DLGAP2: variants seen among roughly 807,000 people sequenced by gnomAD.
DLGAP2 encodes the protein disks large-associated protein 2.
A neutral mutation model predicts 100.3 loss-of-function variants in DLGAP2; 26 were observed. That is an observed-to-expected ratio of 0.26 (90% confidence interval 0.19 to 0.36). The LOEUF (loss-of-function observed/expected upper bound fraction) is 0.36. DLGAP2 is among the 10% of genes least tolerant of loss of function. The probability of loss-of-function intolerance (pLI) is 1.00; values close to 1 mark genes in which losing one functional copy is unlikely to be tolerated. For synonymous variants in DLGAP2, 886 were observed against 630.1 expected, an observed-to-expected ratio of 1.41 and a Z score of -6.08; for missense variants, 1,858 against 1,453.2, an observed-to-expected ratio of 1.28 and a Z score of -4.53.
chr8:1,089,627 T>C (rs1372981570), intron 2 of DLGAP2, among the ~76,000 whole-genome samples: 1 of 152,256 alleles, frequency 6.6e-6, no homozygotes, highest in Non-Finnish European at 1.5e-5. Context: ...GCAAATGTGC[T>C]GAAAAATGAT....
chr8:1,010,513 C>A (rs1801250505), intron 2 of DLGAP2, among the ~76,000 whole-genome samples: 1 of 152,244 alleles, frequency 6.6e-6, no homozygotes. Flanking sequence ...TATGGGCACA[C>A]ATACGCCCAC....
chr8:975,569 C>T (rs1406105974), intron 2 of DLGAP2, among the ~76,000 whole-genome samples: 1 of 152,120 alleles, frequency 6.6e-6, no homozygotes, highest in Non-Finnish European at 1.5e-5. Flanking sequence ...TGGATTTATC[C>T]AGGTATGCAA....
At chr8:871,913 A>AT (rs1328020934) in intron 1 of DLGAP2, among the ~76,000 whole-genome samples, 5 of 151,992 alleles carry the variant, frequency 3.3e-5, no homozygotes, top group Non-Finnish European at 5.9e-5. Context: ...CCCTTCATGC[A>AT]TTTTTTGTCT....
intron 2 of DLGAP2, among the ~76,000 whole-genome samples, chr8:932,259 A>G (rs566857288): frequency 6.6e-6 from 1 of 152,364 alleles, no homozygotes; most frequent in Admixed American, 6.5e-5. Flanking sequence ...CTGAAATAGA[A>G]AAGGGTGACA....
chr8:1,179,233 G>A (rs550435147), intron 2 of DLGAP2, among the ~76,000 whole-genome samples: 1 of 152,262 alleles, frequency 6.6e-6, no homozygotes, highest in Non-Finnish European at 1.5e-5. Context: ...TGGGAGATGG[G>A]ATGGCTGAGT....
intron 2 of DLGAP2, among the ~76,000 whole-genome samples, chr8:1,156,928 G>A (rs1479950069): frequency 1.3e-5 from 2 of 152,084 alleles, no homozygotes; most frequent in African/African-American, 4.8e-5. Context: ...GTTCCCAGTC[G>A]GTCCATCCTT....
chr8:1,341,875 A>G (rs540264376), intron 3 of DLGAP2, among the ~76,000 whole-genome samples: 1 of 152,172 alleles, frequency 6.6e-6, no homozygotes. Context: ...CAGTTCATGC[A>G]CTGTGGGATT....
chr8:1,030,487 G>A (rs1035323322), intron 2 of DLGAP2, among the ~76,000 whole-genome samples: 2 of 152,198 alleles, frequency 1.3e-5, no homozygotes, highest in Non-Finnish European at 2.9e-5. Context: ...GGTGCTCACG[G>A]ACTCGGCTGT....
chr8:1,269,372 C>A (rs929386128), intron 3 of DLGAP2, among the ~76,000 whole-genome samples: 1 of 152,210 alleles, frequency 6.6e-6, no homozygotes, highest in East Asian at 1.9e-4. Flanking sequence ...TGTGGCACGG[C>A]GTGGCTCTGT....
At chr8:757,777 G>C (rs1310117966) in intron 1 of DLGAP2, among the ~76,000 whole-genome samples, 25 of 152,226 alleles carry the variant, frequency 1.6e-4, no homozygotes, top group Admixed American at 1.6e-3. Flanking sequence ...TTCTGAAGCT[G>C]TATCCAATTC....
chr8:1,362,704 C>T (rs1802014225), intron 3 of DLGAP2, among the ~76,000 whole-genome samples: 1 of 152,248 alleles, frequency 6.6e-6, no homozygotes, highest in South Asian at 2.1e-4. Context: ...AATCTATTTT[C>T]CGCCCATTTG....
At chr8:1,101,573 A>G (rs981202283) in intron 2 of DLGAP2, among the ~76,000 whole-genome samples, 5 of 152,048 alleles carry the variant, frequency 3.3e-5, no homozygotes, top group African/African-American at 1.2e-4. Context: ...GTCTGGGAAG[A>G]TGGAAGAGTT....
intron 1 of DLGAP2, among the ~76,000 whole-genome samples, chr8:837,850 G>T (rs1276243453): frequency 1.3e-5 from 2 of 149,980 alleles, no homozygotes; most frequent in Non-Finnish European, 3.0e-5. Context: ...CTGAGTAGCT[G>T]GGATTACAGG....
At chr8:1,073,456 G>T (rs1339891801) in intron 2 of DLGAP2, among the ~76,000 whole-genome samples, 1 of 152,118 alleles carries the variant, frequency 6.6e-6, no homozygotes, top group Non-Finnish European at 1.5e-5. Context: ...TACAGACATG[G>T]ATATGTAACT....
chr8:1,079,305 A>C (rs760325228), intron 2 of DLGAP2, among the ~76,000 whole-genome samples: 27 of 152,178 alleles, frequency 1.8e-4, no homozygotes, highest in Non-Finnish European at 2.5e-4. Flanking sequence ...ACCTTTTATA[A>C]GATTTGTGTT....
chr8:1,449,294 C>A (rs753057085), intron 3 of DLGAP2, among the ~76,000 whole-genome samples: 1 of 152,136 alleles, frequency 6.6e-6, no homozygotes, highest in East Asian at 1.9e-4. Flanking sequence ...GAGACAGGGT[C>A]GGGCCATGAT....
chr8:972,106 A>T (rs1298315183), intron 2 of DLGAP2, among the ~76,000 whole-genome samples: 1 of 152,200 alleles, frequency 6.6e-6, no homozygotes, highest in Non-Finnish European at 1.5e-5. Flanking sequence ...AAACAAGGAC[A>T]ACACAGGACA....
intron 3 of DLGAP2, among the ~76,000 whole-genome samples, chr8:1,374,617 A>G (rs1802344601): frequency 6.6e-6 from 1 of 152,180 alleles, no homozygotes; most frequent in South Asian, 2.1e-4. Context: ...TGGCAGACGG[A>G]GAATCTGCCT....
At chr8:973,534 C>T (rs1351854446) in intron 2 of DLGAP2, among the ~76,000 whole-genome samples, 3 of 152,164 alleles carry the variant, frequency 2.0e-5, no homozygotes, top group Non-Finnish European at 2.9e-5. Flanking sequence ...GGCAGAGATG[C>T]TCCTCACTTC....
Sources: allele counts gnomAD v4.1 joint callset (sites outside exome capture counted in the v4.1 genomes callset), GRCh38; gene constraint gnomAD v4.1.1; transcripts MANE v1.5; gene names NCBI Gene and HGNC (gene_info 2026-07-23, HGNC 2026-07-21).